Variants in CDH13 observed in about 807,000 individuals in gnomAD.
CDH13 encodes cadherin-13.
In CDH13, 24 loss-of-function variants were observed where a neutral mutation model predicts 63.8. The ratio of observed to expected loss-of-function variants is 0.38; its 90% CI spans 0.27 to 0.53. The LOEUF (loss-of-function observed/expected upper bound fraction) is 0.53. Among genes scored for constraint, CDH13 ranks in the 20% least tolerant of loss-of-function variants. The pLI is 0.85. For missense variants in CDH13, 1,049 were observed against 903.1 expected (o/e 1.16, Z -2.07); for synonymous variants, 503 against 355.3 (o/e 1.42, Z -4.67).
Position 83,644,296 on chromosome 16 carries a change from C to T in CDH13, c.1102-26494C>T, listed in dbSNP as rs987391077. The stretch of plus-strand genomic sequence containing the variant: ...ATCCATAATGCCAAACAATATGCTA[C>T]TTCATTCCCTTTAATGGCTTTGTAT... On this transcript the variant is annotated intron_variant, in intron 8 of 13. Transcript: ENST00000567109. Among the ~76,000 whole-genome samples the T allele has an allele frequency of 2.6e-5, 4 of 152,312 alleles. No homozygotes were observed. The East Asian group carries it at 5.8e-4, about 22-fold the overall frequency.
chr16:82,761,171 G>A (rs1483624894), intron 1 of CDH13, among the ~76,000 whole-genome samples: 1 of 151,550 alleles, frequency 6.6e-6, no homozygotes, highest in Non-Finnish European at 1.5e-5. Context: ...GTACAGGCAT[G>A]TGCTACCACA....
intron 1 of CDH13, among the ~76,000 whole-genome samples, chr16:82,805,053 G>A (rs142766429): frequency 3.9e-5 from 6 of 152,114 alleles, no homozygotes; most frequent in Non-Finnish European, 5.9e-5. Context: ...TAAGGGACAC[G>A]GCATCGTTAA....
chr16:83,025,755 T>G (rs1197111185), intron 2 of CDH13, among the ~76,000 whole-genome samples: 1 of 152,160 alleles, frequency 6.6e-6, no homozygotes, highest in Non-Finnish European at 1.5e-5. Flanking sequence ...GTTGCTGGCA[T>G]GCCAGTCCCC....
At chr16:83,207,169 C>A (rs963112376) in intron 4 of CDH13, among the ~76,000 whole-genome samples, 2 of 152,106 alleles carry the variant, frequency 1.3e-5, no homozygotes, top group Admixed American at 1.3e-4. Flanking sequence ...ATTGTGCAAC[C>A]ATCATCCCCA....
At chr16:83,620,843 G>A (rs929040041) in intron 8 of CDH13, among the ~76,000 whole-genome samples, 10 of 152,150 alleles carry the variant, frequency 6.6e-5, no homozygotes, top group African/African-American at 2.4e-4. Context: ...GTCCTATCAA[G>A]AACGGCAATT....
chr16:82,846,750 T>C (rs62035195), intron 1 of CDH13, among the ~76,000 whole-genome samples: 24,706 of 152,188 alleles, frequency 0.16, 2,286 homozygotes, highest in Admixed American at 0.23. Context: ...ATCTCTAGTA[T>C]CTAGGCCAGA....
intron 10 of CDH13, among the ~76,000 whole-genome samples, chr16:83,723,203 G>C (rs1026377382): frequency 6.6e-6 from 1 of 152,188 alleles, no homozygotes; most frequent in Non-Finnish European, 1.5e-5. Context: ...GAAGTATCTG[G>C]GCTTGATAAG....
intron 1 of CDH13, among the ~76,000 whole-genome samples, chr16:82,810,876 A>T (rs1380544370): frequency 6.6e-6 from 1 of 151,752 alleles, no homozygotes; most frequent in Non-Finnish European, 1.5e-5. Flanking sequence ...ATTGTGAGTC[A>T]GGGGGAAATG....
At chr16:83,129,896 C>T (rs928737673) in intron 4 of CDH13, among the ~76,000 whole-genome samples, 4 of 152,212 alleles carry the variant, frequency 2.6e-5, no homozygotes, top group Non-Finnish European at 5.9e-5. Flanking sequence ...ATTTCATCCT[C>T]TGCTTTTACC....
chr16:83,718,968 T>C (rs1394200775), intron 10 of CDH13, among the ~76,000 whole-genome samples: 7 of 152,176 alleles, frequency 4.6e-5, no homozygotes, highest in Admixed American at 3.9e-4. Context: ...AGCAAAGGCC[T>C]TTGGCTGCTG....
chr16:82,629,143 A>G (rs1907706480), intron 1 of CDH13, among the ~76,000 whole-genome samples: 1 of 152,128 alleles, frequency 6.6e-6, no homozygotes, highest in Admixed American at 6.5e-5. Context: ...GGGCCCCAGG[A>G]TCGATTTTTA....
intron 1 of CDH13, among the ~76,000 whole-genome samples, chr16:82,665,612 G>A (rs554799468): frequency 6.6e-6 from 1 of 152,138 alleles, no homozygotes; most frequent in Admixed American, 6.5e-5. Context: ...CAAAAAGGCG[G>A]CTGCATGCCT....
chr16:83,193,354 TA>T (rs2038782530), intron 4 of CDH13, among the ~76,000 whole-genome samples: 1 of 152,066 alleles, frequency 6.6e-6, no homozygotes, highest in Admixed American at 6.6e-5. Context: ...ACACATAGAT[TA>T]AAAAGTGGCT....
At chr16:83,569,334 C>T (rs1438195874) in intron 7 of CDH13, among the ~76,000 whole-genome samples, 3 of 152,138 alleles carry the variant, frequency 2.0e-5, no homozygotes, top group Admixed American at 6.5e-5. Context: ...ATGTGGCTAC[C>T]AGTTGATTGA....
chr16:83,312,066 CAAA>C (rs5818437), intron 5 of CDH13, among the ~76,000 whole-genome samples: 9 of 94,938 alleles, frequency 9.5e-5, no homozygotes, highest in Middle Eastern at 6.7e-3. Flanking sequence ...AACTCCATCT[CAAA>C]AAAAAAAAAA....
chr16:83,525,785 A>AT (rs921114967), intron 7 of CDH13, among the ~76,000 whole-genome samples: 1 of 152,078 alleles, frequency 6.6e-6, no homozygotes, highest in Non-Finnish European at 1.5e-5. Flanking sequence ...AAATGAAAGA[A>AT]TTTTTTCTGG....
chr16:82,938,340 G>A (rs949612228), intron 2 of CDH13, among the ~76,000 whole-genome samples: 3 of 152,184 alleles, frequency 2.0e-5, no homozygotes, highest in Admixed American at 6.5e-5. Context: ...GACTTGATTC[G>A]GGAATAGAAC....
chr16:83,299,720 A>T (rs2089687879), intron 5 of CDH13, among the ~76,000 whole-genome samples: 1 of 152,262 alleles, frequency 6.6e-6, no homozygotes, highest in African/African-American at 2.4e-5. Context: ...GGAAAATGCC[A>T]GTTGTTATTA....
chr16:83,198,049 G>A (rs1157142123), intron 4 of CDH13, among the ~76,000 whole-genome samples: 2 of 152,076 alleles, frequency 1.3e-5, no homozygotes, highest in Non-Finnish European at 2.9e-5. Flanking sequence ...TAAAAGACTA[G>A]AAAGGATTTA....
Sources: gnomAD v4.1 joint callset for allele counts (sites outside exome capture counted in the v4.1 genomes callset) on GRCh38, gnomAD v4.1.1 for gene constraint, MANE v1.5 for transcripts, NCBI Gene and HGNC (gene_info 2026-07-23, HGNC 2026-07-21) for gene names.